The following PARD3B variants were observed in gnomAD, a reference collection of about 807,000 sequenced individuals.
PARD3B encodes par-3 family cell polarity regulator beta, also known as partitioning defective 3 homolog B.
Under a neutral mutation model 130.2 loss-of-function variants are expected in PARD3B, and 103 were observed. The ratio of observed to expected loss-of-function variants is 0.79; its 90% CI spans 0.67 to 0.93. PARD3B has a LOEUF of 0.93. Ranked by LOEUF, PARD3B falls within the 40% of genes least tolerant of loss-of-function variation. The pLI is 0.00. For missense variants in PARD3B, 1,609 were observed against 1,499.2 expected, an observed-to-expected ratio of 1.07 and a Z score of -1.21; for synonymous variants, 583 against 553.2, an observed-to-expected ratio of 1.05 and a Z score of -0.76.
chr2:205,378,052 T>C (rs2045138694), intron 18 of PARD3B, among the ~76,000 whole-genome samples: 1 of 152,130 alleles, frequency 6.6e-6, no homozygotes, highest in South Asian at 2.1e-4. Flanking sequence ...ATTACAGGCG[T>C]GAGTCACCAT....
At chr2:205,220,117 C>T (rs908291033) in intron 15 of PARD3B, among the ~76,000 whole-genome samples, 1 of 152,154 alleles carries the variant, frequency 6.6e-6, no homozygotes, top group Non-Finnish European at 1.5e-5. Context: ...GCCTTACTCC[C>T]ATCCAATTTA....
intron 3 of PARD3B, among the ~76,000 whole-genome samples, chr2:205,044,515 G>A (rs1238958578): frequency 1.3e-5 from 2 of 150,242 alleles, no homozygotes; most frequent in African/African-American, 2.4e-5. Flanking sequence ...GTGTGAGATG[G>A]TATCTCATTG....
intron 2 of PARD3B, among the ~76,000 whole-genome samples, chr2:204,703,966 A>G (rs10207338): frequency 0.019 from 2,950 of 152,264 alleles, 75 homozygotes; most frequent in African/African-American, 0.067. Context: ...AACCTGTTAC[A>G]TAGTGTTGAA....
rs374251477 is a variant in PARD3B, at chr2:205,452,292, T to C, written c.3044+11620T>C. On this transcript the variant is annotated intron_variant, in intron 20 of 22. Coordinates refer to ENST00000406610, the MANE Select transcript of PARD3B (RefSeq NM_001302769.2). ...CCCAGTCTCTTTCTCTCTAGTGAGT[T>C]TTCCAGTTAATTTTATTTTAGTTTA... Among the ~76,000 whole-genome samples, 4 of 152,234 alleles carry C rather than the reference T, an allele frequency of 2.6e-5. No individual in the cohort carries two copies. The East Asian group carries it at 7.7e-4, about 29-fold the overall frequency.
In PARD3B at chr2:205,619,022, A is replaced by G. The variant is rs548702848; in HGVS notation, c.*3209A>G. ...GGCACCAAGTAAAGATCTTAAGAGC[A>G]TAGTAGGGGTTCTGAGACCGACTGT... On this transcript the variant is annotated 3_prime_UTR_variant, in exon 23 of 23. Coordinates refer to ENST00000406610, the MANE Select transcript of PARD3B (RefSeq NM_001302769.2). 1.3e-5 allele frequency: 2 copies of G among 152,368 alleles called. No individual in the cohort carries two copies. Among genetic ancestry groups the G allele is most frequent in the East Asian group, 3.9e-4 (2 of 5,190 alleles). 9.4% of individuals were successfully genotyped at this position (152,368 alleles called of 1,614,324 possible). A position where few individuals can be genotyped will look rare whatever the true frequency, so the allele number is the denominator to read the frequency against.
At chr2:204,863,040 C>T (rs189706970) in intron 2 of PARD3B, among the ~76,000 whole-genome samples, 268 of 152,190 alleles carry the variant, frequency 1.8e-3, no homozygotes, top group African/African-American at 5.9e-3. Context: ...GAGAACCAGT[C>T]GGGAAAGGGC....
At position 205,320,042 on chromosome 2, in the gene PARD3B, T is replaced by C. The variant is rs950147334; in HGVS notation, c.2630+18341T>C. 2.6e-5 allele frequency among the ~76,000 whole-genome samples: 4 copies of C among 152,128 alleles called. No homozygotes were observed. In the East Asian group the frequency reaches 7.8e-4, roughly 30 times the overall value. ...AATTACCCAAATGTGGTGGCATGCCTGTAATCCCAGCTACTTGGGAGGCTG... is the reference window on the plus strand; with the variant it reads ...AATTACCCAAATGTGGTGGCATGCCCGTAATCCCAGCTACTTGGGAGGCTG... On this transcript the variant is annotated intron_variant, in intron 18 of 22. Transcript: ENST00000406610.
At chr2:205,194,767 C>T (rs560412601) in intron 15 of PARD3B, among the ~76,000 whole-genome samples, 1 of 151,790 alleles carries the variant, frequency 6.6e-6, no homozygotes, top group South Asian at 2.1e-4. Flanking sequence ...TTTTTGTTTA[C>T]ATTTTAATTT....
chr2:205,610,255 T>C (rs2055182852), intron 22 of PARD3B, among the ~76,000 whole-genome samples: 1 of 152,194 alleles, frequency 6.6e-6, no homozygotes, highest in South Asian at 2.1e-4. Flanking sequence ...GACCTCGGGT[T>C]CGTGTTCATC....
At chr2:204,632,420 T>C (rs1315862671) in intron 1 of PARD3B, among the ~76,000 whole-genome samples, 2 of 152,176 alleles carry the variant, frequency 1.3e-5, no homozygotes, top group Non-Finnish European at 2.9e-5. Context: ...TTCTTTCTTA[T>C]CTTTGTGGGC....
intron 1 of PARD3B, among the ~76,000 whole-genome samples, chr2:204,557,430 T>C (rs1301441943): frequency 1.3e-5 from 2 of 152,194 alleles, no homozygotes; most frequent in Non-Finnish European, 2.9e-5. Flanking sequence ...GAAATTTCCT[T>C]TGATGCTTTG....
intron 2 of PARD3B, among the ~76,000 whole-genome samples, chr2:204,802,504 G>C (rs1450315045): frequency 6.6e-6 from 1 of 151,998 alleles, no homozygotes; most frequent in South Asian, 2.1e-4. Context: ...TATACCCAAA[G>C]GATTATAAAT....
Position 205,077,605 on chromosome 2 carries a change from C to T in PARD3B, c.505-26821C>T, listed in dbSNP as rs528166212. On this transcript the variant is annotated intron_variant, in intron 4 of 22. Coordinates refer to ENST00000406610, the MANE Select transcript of PARD3B (RefSeq NM_001302769.2). ...CAAAAATGCAGAGCCTTCTGTACCC[C>T]TCCAAATCTTATTTTTAATGAAATA... Among the ~76,000 whole-genome samples the T allele has an allele frequency of 3.9e-5, 6 of 152,122 alleles. No homozygotes were observed. The South Asian group carries it at 8.3e-4, about 21-fold the overall frequency.
intron 16 of PARD3B, among the ~76,000 whole-genome samples, chr2:205,285,904 G>A (rs1221904792): frequency 6.6e-6 from 1 of 152,172 alleles, no homozygotes; most frequent in East Asian, 1.9e-4. Context: ...ACATCCTGCA[G>A]ATGTGGAGGA....
intron 20 of PARD3B, among the ~76,000 whole-genome samples, chr2:205,496,838 G>T (rs1035248047): frequency 2.0e-5 from 3 of 147,636 alleles, no homozygotes; most frequent in Non-Finnish European, 4.5e-5. Context: ...TATTACTGAT[G>T]ACTTCATTCT....
chr2:205,319,487 A>C (rs1348554536), intron 18 of PARD3B, among the ~76,000 whole-genome samples: 1 of 152,130 alleles, frequency 6.6e-6, no homozygotes, highest in East Asian at 1.9e-4. Flanking sequence ...TTTATCTGTC[A>C]TTTGCCTTCC....
At chr2:204,550,595 G>T (rs1169431871) in intron 1 of PARD3B, among the ~76,000 whole-genome samples, 1 of 152,226 alleles carries the variant, frequency 6.6e-6, no homozygotes, top group African/African-American at 2.4e-5. Flanking sequence ...CCAATTTGTG[G>T]CTCTGACTGC....
chr2:205,541,246 G>A (rs7426144), intron 21 of PARD3B, among the ~76,000 whole-genome samples: 70,356 of 151,666 alleles, frequency 0.46, 16,849 homozygotes, highest in East Asian at 0.57. Context: ...CTCTTTTGCA[G>A]CTTTTCTCTG....
Position 205,258,380 on chromosome 2 carries a change from T to A in PARD3B, c.2185+12558T>A, listed in dbSNP as rs2040178075. On this transcript the variant is annotated intron_variant, in intron 16 of 22. Transcript: ENST00000406610. This position sits in a 1 kb window ranked among gnomAD's most constrained non-coding sequence, Gnocchi z 4.9. The stretch of plus-strand genomic sequence containing the variant: ...TACGGCTGATTCACTCTGATTCAAT[T>A]CTCAGGTCAAATGTTCTTTCTTCAA... Among the ~76,000 whole-genome samples the A allele has an allele frequency of 6.6e-6, 1 of 152,164 alleles. No homozygotes were observed. Among genetic ancestry groups the A allele is most frequent in the Admixed American group, 6.5e-5 (1 of 15,272 alleles).
Sources: gnomAD v4.1 joint callset for allele counts (sites outside exome capture counted in the v4.1 genomes callset) on GRCh38, gnomAD v4.1.1 for gene constraint, Gnocchi (gnomAD v3.1) non-coding constraint, MANE v1.5 for transcripts, NCBI Gene and HGNC (gene_info 2026-07-23, HGNC 2026-07-21) for gene names.